The following CPA6 variants were observed in gnomAD, a reference collection of about 807,000 sequenced individuals.
CPA6 encodes carboxypeptidase A6, also known as carboxypeptidase B.
In CPA6, 58 loss-of-function variants were observed where a neutral mutation model predicts 63.3. The observed-to-expected ratio is 0.92, with a 90% confidence interval of 0.74 to 1.14. The LOEUF (loss-of-function observed/expected upper bound fraction) is 1.14, where lower values mean the gene tolerates loss of function less well. Among genes scored for constraint, CPA6 ranks in the 50% most tolerant of loss-of-function variants. CPA6 has a pLI of 0.00. For synonymous variants in CPA6, 185 were observed against 179.0 expected, an observed-to-expected ratio of 1.03 and a Z score of -0.27; for missense variants, 565 against 526.6, an observed-to-expected ratio of 1.07 and a Z score of -0.71.
At chr8:67,743,857 T>C (rs866662283) in intron 1 of CPA6, among the ~76,000 whole-genome samples, 67 of 152,318 alleles carry the variant, frequency 4.4e-4, no homozygotes, top group African/African-American at 1.5e-3. Context: ...TACAAAAATA[T>C]TTTTACATGA....
At chr8:67,534,098 C>T (rs1812533210) in intron 2 of CPA6, among the ~76,000 whole-genome samples, 1 of 152,154 alleles carries the variant, frequency 6.6e-6, no homozygotes, top group South Asian at 2.1e-4. Context: ...TTGTAGATTC[C>T]CCAATGTTCC....
chr8:67,569,925 G>A (rs1027191969), intron 2 of CPA6: 2 of 159,046 alleles, frequency 1.3e-5, no homozygotes, highest in African/African-American at 4.8e-5. Context: ...TAAAGAGGAA[G>A]TTGATGAAAC....
At chr8:67,594,755 A>G (rs1814270450) in intron 2 of CPA6, among the ~76,000 whole-genome samples, 1 of 151,830 alleles carries the variant, frequency 6.6e-6, no homozygotes, top group Non-Finnish European at 1.5e-5. Context: ...ACTTCTCTAT[A>G]TTGGTTATTC....
In CPA6 at chr8:67,538,788, T is replaced by C. The variant is rs1311118144; in HGVS notation, c.193-20741A>G. Among the ~76,000 whole-genome samples the C allele has an allele frequency of 2.0e-5, 3 of 152,054 alleles. No individual in the cohort carries two copies. The East Asian group carries it at 5.8e-4, about 29-fold the overall frequency. On this transcript the variant is annotated intron_variant, in intron 2 of 10. Transcript: ENST00000297770. Reference sequence around the variant, plus strand: ...CATTCTCCTGCCTCAGCCTCCCGAGTAGCTGGGACTACAGGTGCCTGCCAC... The same window carrying C: ...CATTCTCCTGCCTCAGCCTCCCGAGCAGCTGGGACTACAGGTGCCTGCCAC...
intron 6 of CPA6, among the ~76,000 whole-genome samples, chr8:67,490,644 T>C (rs73262688): frequency 0.11 from 16,186 of 152,212 alleles, 2,256 homozygotes; most frequent in African/African-American, 0.32. Context: ...AAGAAAGACA[T>C]AGAATGAATC....
intron 1 of CPA6, among the ~76,000 whole-genome samples, chr8:67,699,248 T>C (rs1006330277): frequency 2.0e-5 from 3 of 152,042 alleles, no homozygotes; most frequent in African/African-American, 4.8e-5. Context: ...CGAAGTCATG[T>C]CTATCAAAAA....
At chr8:67,425,938 C>T (rs1419431185) in intron 10 of CPA6, among the ~76,000 whole-genome samples, 2 of 151,014 alleles carry the variant, frequency 1.3e-5, no homozygotes, top group Non-Finnish European at 3.0e-5. Flanking sequence ...GCTCTGTCAC[C>T]CAGGCTGGAG....
chr8:67,639,050 C>T (rs1390816554), intron 1 of CPA6, among the ~76,000 whole-genome samples: 1 of 151,602 alleles, frequency 6.6e-6, no homozygotes, highest in East Asian at 1.9e-4. Flanking sequence ...AGAAAATAAG[C>T]CAACAAGAGC....
chr8:67,548,833 C>G (rs1812879763), intron 2 of CPA6, among the ~76,000 whole-genome samples: 1 of 152,146 alleles, frequency 6.6e-6, no homozygotes, highest in Non-Finnish European at 1.5e-5. Context: ...GCAGAAACAC[C>G]AGCTCAGGTG....
At chr8:67,552,670 G>T (rs1812971474) in intron 2 of CPA6, among the ~76,000 whole-genome samples, 1 of 149,842 alleles carries the variant, frequency 6.7e-6, no homozygotes. Flanking sequence ...CTACTCGGGA[G>T]GCTGAGGCAG....
intron 2 of CPA6, among the ~76,000 whole-genome samples, chr8:67,614,319 G>C (rs1814886928): frequency 6.6e-6 from 1 of 152,222 alleles, no homozygotes; most frequent in Non-Finnish European, 1.5e-5. Flanking sequence ...TGGTCTGCAA[G>C]GGGGATCAGG....
intron 1 of CPA6, among the ~76,000 whole-genome samples, chr8:67,648,570 T>C (rs1435283285): frequency 6.6e-6 from 1 of 152,120 alleles, no homozygotes; most frequent in Non-Finnish European, 1.5e-5. Flanking sequence ...AAGGAAGAGG[T>C]TGGAATAGTT....
intron 6 of CPA6, among the ~76,000 whole-genome samples, chr8:67,499,137 A>G (rs1289096552): frequency 6.6e-6 from 1 of 152,194 alleles, no homozygotes; most frequent in Non-Finnish European, 1.5e-5. Context: ...TTCAAAATAG[A>G]CATCCACAGA....
At chr8:67,546,506 C>T (rs73266654) in intron 2 of CPA6, among the ~76,000 whole-genome samples, 3,917 of 152,252 alleles carry the variant, frequency 0.026, 151 homozygotes, top group African/African-American at 0.09. Flanking sequence ...TCTTTGTAGA[C>T]ATCTTTATTA....
intron 2 of CPA6, among the ~76,000 whole-genome samples, chr8:67,594,934 C>T (rs894940869): frequency 3.3e-5 from 5 of 152,162 alleles, no homozygotes; most frequent in South Asian, 2.1e-4. Flanking sequence ...GAACTGTGTT[C>T]CTTTGGAGGA....
chr8:67,485,621 T>A (rs965273924), intron 6 of CPA6, among the ~76,000 whole-genome samples: 5 of 152,338 alleles, frequency 3.3e-5, no homozygotes, highest in Non-Finnish European at 5.9e-5. Context: ...TGATGGACAG[T>A]TAGATCGAGT....
chr8:67,604,925 C>T (rs1277853476), intron 2 of CPA6, among the ~76,000 whole-genome samples: 1 of 152,016 alleles, frequency 6.6e-6, no homozygotes, highest in Non-Finnish European at 1.5e-5. Context: ...CTACAGGCAC[C>T]TGTCACCATG....
intron 1 of CPA6, among the ~76,000 whole-genome samples, chr8:67,633,372 CCT>C (rs1275229603): frequency 6.6e-6 from 1 of 151,634 alleles, no homozygotes; most frequent in African/African-American, 2.4e-5. Context: ...CCCTTTTCTT[CCT>C]CTTTCTTGGA....
intron 2 of CPA6, among the ~76,000 whole-genome samples, chr8:67,573,269 C>A (rs935404295): frequency 3.3e-5 from 5 of 152,118 alleles, no homozygotes; most frequent in African/African-American, 9.7e-5. Context: ...AAAGTCCTTG[C>A]CAGAGCACTT....
Sources: gnomAD v4.1 joint callset for allele counts (sites outside exome capture counted in the v4.1 genomes callset) on GRCh38, gnomAD v4.1.1 for gene constraint, MANE v1.5 for transcripts, NCBI Gene and HGNC (gene_info 2026-07-23, HGNC 2026-07-21) for gene names.